MGAT4C: variants seen among roughly 807,000 people sequenced by gnomAD.
MGAT4C encodes the protein MGAT4 family member C.
Under a neutral mutation model 40.1 loss-of-function variants are expected in MGAT4C, and 19 were observed. The observed-to-expected ratio is 0.47, with a 90% confidence interval of 0.33 to 0.70. MGAT4C has a LOEUF of 0.70. MGAT4C is among the 30% of genes least tolerant of loss of function. MGAT4C has a pLI of 0.02. For missense variants in MGAT4C, 491 were observed against 563.2 expected (o/e 0.87, Z 1.30); for synonymous variants, 181 against 187.1 (o/e 0.97, Z 0.27).
chr12:86,294,374 T>TA (rs1240753260), intron 4 of MGAT4C, among the ~76,000 whole-genome samples: 6 of 146,280 alleles, frequency 4.1e-5, no homozygotes. Flanking sequence ...TTTTTTTTTT[T>TA]AATCTAAATC....
At chr12:86,360,159 T>C (rs1475199586) in intron 3 of MGAT4C, among the ~76,000 whole-genome samples, 1 of 152,152 alleles carries the variant, frequency 6.6e-6, no homozygotes, top group Non-Finnish European at 1.5e-5. Flanking sequence ...GCTTCATCCC[T>C]GGGATGCAAG....
intron 2 of MGAT4C, among the ~76,000 whole-genome samples, chr12:85,996,990 C>G (rs1204209644): frequency 1.3e-5 from 2 of 152,098 alleles, no homozygotes. Flanking sequence ...CCAACAATAG[C>G]AGTGTATAAA....
At chr12:86,649,939 G>T (rs1411039750) in intron 2 of MGAT4C, among the ~76,000 whole-genome samples, 2 of 151,836 alleles carry the variant, frequency 1.3e-5, no homozygotes, top group Admixed American at 6.6e-5. Flanking sequence ...TTCAAAGTCA[G>T]TAGGACAACC....
intron 2 of MGAT4C, among the ~76,000 whole-genome samples, chr12:86,450,626 GTATT>G (rs1300775117): frequency 6.6e-6 from 1 of 151,786 alleles, no homozygotes; most frequent in Non-Finnish European, 1.5e-5. Flanking sequence ...AGTTTTCATT[GTATT>G]ACCTTTTACA....
chr12:86,249,413 A>G (rs1332528992), intron 1 of MGAT4C, among the ~76,000 whole-genome samples: 1 of 152,162 alleles, frequency 6.6e-6, no homozygotes, highest in Non-Finnish European at 1.5e-5. Flanking sequence ...TGTGTTGACC[A>G]TTCCTGTTCC....
At chr12:86,199,609 G>A (rs839160) in intron 1 of MGAT4C, among the ~76,000 whole-genome samples, 102,743 of 151,826 alleles carry the variant, frequency 0.68, 35,061 homozygotes, top group South Asian at 0.75. Context: ...AATATTTTAA[G>A]AATTTCTTCC....
Position 86,021,504 on chromosome 12 carries a change from C to T in MGAT4C, c.-7+28170G>A, listed in dbSNP as rs181622666. ...ATTGCAAGGACAAAAAACCAAACAC[C>T]GCATGTTCTTACTCATAGGTGGGAA... On this transcript the variant is annotated intron_variant, in intron 2 of 4. Transcript: ENST00000611864. 7.6e-3 allele frequency among the ~76,000 whole-genome samples: 1,118 copies of T among 147,724 alleles called. 6 individuals are homozygous for T. Among genetic ancestry groups the T allele is most frequent in the South Asian group, 0.022 (102 of 4,692 alleles).
At chr12:86,481,882 T>A (rs1400919719) in intron 2 of MGAT4C, among the ~76,000 whole-genome samples, 1 of 151,954 alleles carries the variant, frequency 6.6e-6, no homozygotes, top group Non-Finnish European at 1.5e-5. Flanking sequence ...AATTCCAAAC[T>A]GCTGGAATTA....
rs538841340 is a variant in MGAT4C at position 86,622,700 on chromosome 12, A to G, written c.-229+104509T>C. On this transcript the variant is annotated intron_variant, in intron 2 of 7. Coordinates refer to the MGAT4C transcript ENST00000548651. ...AGCTCAAGAATATTAATGAGAATAC[A>G]AAACATGTAGCATAAACAAGTTTAA... 5.3e-5 allele frequency among the ~76,000 whole-genome samples: 8 copies of G among 152,302 alleles called. No homozygotes were observed. In the South Asian group the frequency reaches 1.7e-3, roughly 32 times the overall value.
At chr12:86,493,108 C>T (rs1374204462) in intron 2 of MGAT4C, among the ~76,000 whole-genome samples, 1 of 150,706 alleles carries the variant, frequency 6.6e-6, no homozygotes, top group Non-Finnish European at 1.5e-5. Flanking sequence ...TACCATCTCA[C>T]ACAAGTTAGA....
chr12:86,256,080 T>A (rs949609450), intron 1 of MGAT4C, among the ~76,000 whole-genome samples, 159 bp downstream of exon 1: 4 of 152,170 alleles, frequency 2.6e-5, no homozygotes, highest in South Asian at 4.1e-4. Flanking sequence ...GCTCTTTTTT[T>A]AATTCATTTT....
intron 1 of MGAT4C, among the ~76,000 whole-genome samples, chr12:86,186,789 G>T (rs1179590455): frequency 6.6e-6 from 1 of 152,050 alleles, no homozygotes; most frequent in Non-Finnish European, 1.5e-5. Flanking sequence ...TCCTGTGTTC[G>T]TAAGACCAGT....
At chr12:86,192,376 T>C (rs894612096) in intron 1 of MGAT4C, among the ~76,000 whole-genome samples, 8 of 152,196 alleles carry the variant, frequency 5.3e-5, no homozygotes, top group Non-Finnish European at 8.8e-5. Context: ...CTGAGGACAC[T>C]GAATTCCAAA....
At chr12:86,566,760 GTATA>G (rs1555205385) in intron 2 of MGAT4C, among the ~76,000 whole-genome samples, 3 of 146,914 alleles carry the variant, frequency 2.0e-5, no homozygotes, top group Non-Finnish European at 1.5e-5. Flanking sequence ...GTGTGTGTGT[GTATA>G]TATATATATA....
At chr12:86,497,464 A>G (rs1382574742) in intron 2 of MGAT4C, among the ~76,000 whole-genome samples, 1 of 151,948 alleles carries the variant, frequency 6.6e-6, no homozygotes, top group Non-Finnish European at 1.5e-5. Context: ...TGATAAATTG[A>G]TTTAGTGCTA....
intron 2 of MGAT4C, among the ~76,000 whole-genome samples, chr12:85,991,252 A>G (rs1422649429): frequency 6.6e-6 from 1 of 152,132 alleles, no homozygotes; most frequent in Non-Finnish European, 1.5e-5. Context: ...TGGCCACTCC[A>G]TCATCTCTCC....
chr12:86,218,191 C>T (rs1298208407), intron 1 of MGAT4C, among the ~76,000 whole-genome samples: 4 of 152,018 alleles, frequency 2.6e-5, no homozygotes, highest in Non-Finnish European at 4.4e-5. Context: ...CTGCATCACT[C>T]AAGAAAGTTA....
intron 1 of MGAT4C, among the ~76,000 whole-genome samples, chr12:86,739,790 A>G (rs1951039036): frequency 6.6e-6 from 1 of 150,850 alleles, no homozygotes; most frequent in Non-Finnish European, 1.5e-5. Context: ...CCCCTTGGAT[A>G]CTGAGGAACA....
chr12:86,788,298 G>GTT (rs373080606), intron 1 of MGAT4C, among the ~76,000 whole-genome samples: 1 of 137,912 alleles, frequency 7.3e-6, no homozygotes, highest in Admixed American at 7.3e-5. Flanking sequence ...TCATTATTAG[G>GTT]TTTTTTTTTT....
Sources: gnomAD v4.1 joint callset for allele counts (sites outside exome capture counted in the v4.1 genomes callset) on GRCh38, gnomAD v4.1.1 for gene constraint, MANE v1.5 for transcripts, NCBI Gene and HGNC (gene_info 2026-07-23, HGNC 2026-07-21) for gene names.